Variants in AKAP6 observed in about 807,000 individuals in gnomAD.
The protein encoded by AKAP6 is A-kinase anchoring protein 6.
Under a neutral mutation model 188.5 loss-of-function variants are expected in AKAP6, and 58 were observed. That is an observed-to-expected ratio of 0.31 (90% CI 0.25 to 0.38). The LOEUF (loss-of-function observed/expected upper bound fraction) is 0.38, where lower values mean the gene tolerates loss of function less well. Among genes scored for constraint, AKAP6 ranks in the 10% least tolerant of loss-of-function variants. The pLI, the probability that AKAP6 is intolerant of heterozygous loss-of-function variation, is 1.00. For missense variants in AKAP6, 2,710 were observed against 2,740.0 expected (o/e 0.99, Z 0.24); for synonymous variants, 989 against 998.6 (o/e 0.99, Z 0.18).
intron 9 of AKAP6, among the ~76,000 whole-genome samples, chr14:32,704,410 A>G (rs537414573): frequency 6.6e-6 from 1 of 152,178 alleles, no homozygotes; most frequent in Non-Finnish European, 1.5e-5. Flanking sequence ...CTAGAAAAGA[A>G]AGTAGAGGAA....
chr14:32,696,919 G>A (rs1890428328), intron 9 of AKAP6, among the ~76,000 whole-genome samples: 1 of 152,112 alleles, frequency 6.6e-6, no homozygotes, highest in African/African-American at 2.4e-5. Flanking sequence ...ATTTTTATTG[G>A]AGTAATTCTG....
At position 32,568,177 on chromosome 14, in the gene AKAP6, C is replaced by G. The variant is rs1884289429; in HGVS notation, c.2347-8943C>G. ...GAGAAGCTTGGAAAATAGGAGTGAA[C>G]AACAGAGAATGTGACTGTCCTTTGT... On this transcript the variant is annotated intron_variant, in intron 4 of 13. Coordinates refer to ENST00000280979, the MANE Select transcript of AKAP6 (RefSeq NM_004274.5). This position sits in a 1 kb window ranked among gnomAD's most constrained non-coding sequence, Gnocchi z 6.2. 6.6e-6 allele frequency among the ~76,000 whole-genome samples: 1 copy of G among 152,112 alleles called. No homozygotes were observed. The highest frequency in any genetic ancestry group is 1.5e-5 in the Non-Finnish European group (1 of 68,016).
At chr14:32,359,413 A>G (rs1160834741) in intron 1 of AKAP6, among the ~76,000 whole-genome samples, 3 of 152,128 alleles carry the variant, frequency 2.0e-5, no homozygotes, top group Non-Finnish European at 4.4e-5. Context: ...AAATAATTTT[A>G]TTTATGAAAG....
At chr14:32,435,493 A>G (rs1358229691) in intron 2 of AKAP6, among the ~76,000 whole-genome samples, 1 of 152,142 alleles carries the variant, frequency 6.6e-6, no homozygotes, top group East Asian at 1.9e-4. Flanking sequence ...TGAGAAACCA[A>G]CTCTAGGGTT....
At chr14:32,615,167 C>CAAAAAAAAAAAAAAAAAAAAAA (rs71115086) in intron 7 of AKAP6, among the ~76,000 whole-genome samples, 791 of 53,422 alleles carry the variant, frequency 0.015, 188 homozygotes, top group Non-Finnish European at 0.02. Flanking sequence ...GACTCTGTCT[C>CAAAAAAAAAAAAAAAAAAAAAA]AAAAAAAAAA....
At chr14:32,584,707 A>G (rs574500503) in intron 5 of AKAP6, among the ~76,000 whole-genome samples, 86 of 152,180 alleles carry the variant, frequency 5.7e-4, no homozygotes, top group African/African-American at 2.0e-3. Flanking sequence ...GTTAGTTTGC[A>G]TTTCCTAGGA....
chr14:32,432,241 G>GAGTAGAAGAACAAGTAGAAGAAGGCAACA (rs1386575091), intron 1 of AKAP6, among the ~76,000 whole-genome samples: 1 of 152,032 alleles, frequency 6.6e-6, no homozygotes, highest in Non-Finnish European at 1.5e-5. Flanking sequence ...TCATTGCCTT[G>GAGTAGAAGAACAAGTAGAAGAAGGCAACA]AGTAGAAGAA....
At chr14:32,775,431 TC>T (rs199709054) in intron 12 of AKAP6, among the ~76,000 whole-genome samples, 4 of 147,214 alleles carry the variant, frequency 2.7e-5, no homozygotes, top group Admixed American at 6.7e-5. Flanking sequence ...GACATTTTTA[TC>T]CTTTTTTTTT....
intron 4 of AKAP6, among the ~76,000 whole-genome samples, chr14:32,572,064 G>A (rs1884514330): frequency 6.6e-6 from 1 of 152,208 alleles, no homozygotes; most frequent in South Asian, 2.1e-4. Context: ...TCAGTGCCAA[G>A]ACTTTAAAAC....
intron 11 of AKAP6, among the ~76,000 whole-genome samples, chr14:32,764,564 A>G (rs1003469992): frequency 6.6e-6 from 1 of 152,194 alleles, no homozygotes; most frequent in African/African-American, 2.4e-5. Flanking sequence ...GTTTTTGTGA[A>G]TCAGCTTTGG....
chr14:32,659,172 T>G (rs1888581349), intron 7 of AKAP6, among the ~76,000 whole-genome samples: 1 of 152,184 alleles, frequency 6.6e-6, no homozygotes, highest in African/African-American at 2.4e-5. Flanking sequence ...CATTCATGGC[T>G]GCTCCAAGTA....
intron 3 of AKAP6, among the ~76,000 whole-genome samples, chr14:32,536,237 T>C (rs1025761097): frequency 6.6e-6 from 1 of 152,142 alleles, no homozygotes; most frequent in Non-Finnish European, 1.5e-5. Flanking sequence ...CAAGATGCCA[T>C]TGGAGGACAG....
chr14:32,566,531 G>T (rs1233056490), intron 4 of AKAP6, among the ~76,000 whole-genome samples: 1 of 152,030 alleles, frequency 6.6e-6, no homozygotes, highest in Non-Finnish European at 1.5e-5. Context: ...AAGAATCTGG[G>T]TTATGTGTAT....
In AKAP6 at chr14:32,434,142, G is replaced by A. The variant is rs114750654; in HGVS notation, c.324+325G>A. 1.1e-3 allele frequency among the ~76,000 whole-genome samples: 175 copies of A among 152,260 alleles called. 2 individuals are homozygous for A. The highest frequency in any genetic ancestry group is 3.5e-3 in the African/African-American group (145 of 41,572). Reference sequence around the variant, plus strand: ...AACTCTTACAAAGGGTTTAATAAAAGACTCTTATAGGTAAAATATCAAATG... The same window carrying A: ...AACTCTTACAAAGGGTTTAATAAAAAACTCTTATAGGTAAAATATCAAATG... On this transcript the variant is annotated intron_variant, in intron 2 of 13. Coordinates refer to ENST00000280979, the MANE Select transcript of AKAP6 (RefSeq NM_004274.5).
intron 12 of AKAP6, among the ~76,000 whole-genome samples, chr14:32,812,349 AAG>A (rs1469417904): frequency 1.3e-5 from 2 of 152,230 alleles, no homozygotes; most frequent in Admixed American, 1.3e-4. Flanking sequence ...AGAGGTAAGA[AAG>A]AGAAATTCTT....
At chr14:32,782,638 A>G (rs2033287572) in intron 12 of AKAP6, among the ~76,000 whole-genome samples, 2 of 152,188 alleles carry the variant, frequency 1.3e-5, no homozygotes, top group East Asian at 1.9e-4. Flanking sequence ...AAATTTTTAA[A>G]CATTCAATTT....
chr14:32,798,226 T>C (rs1197285652), intron 12 of AKAP6, among the ~76,000 whole-genome samples: 1 of 152,178 alleles, frequency 6.6e-6, no homozygotes, highest in Non-Finnish European at 1.5e-5. Flanking sequence ...ATGGCTATTA[T>C]TAAAAAGTCA....
chr14:32,834,669 T>C lies in AKAP6; in HGVS notation c.*4864T>C, dbSNP rs572524714. 2 of 151,842 alleles carry C rather than the reference T, an allele frequency of 1.3e-5. No homozygotes were observed. Among genetic ancestry groups the C allele is most frequent in the Non-Finnish European group, 2.9e-5 (2 of 67,978 alleles). The allele number at this position is 151,842 out of a possible 1,614,324, so 9.4% of individuals were successfully genotyped here. A position where few individuals can be genotyped will look rare whatever the true frequency, so the allele number is the denominator to read the frequency against. ...CAGAATGATCCACAATCTTGATGGG[T>C]CTAGTTGTTTTCTCATTGTTAAACT... On this transcript the variant is annotated 3_prime_UTR_variant, in exon 14 of 14. Transcript: ENST00000280979.
chr14:32,506,034 G>T (rs11623277), intron 2 of AKAP6, among the ~76,000 whole-genome samples: 57,704 of 151,658 alleles, frequency 0.38, 11,291 homozygotes, highest in Non-Finnish European at 0.4. Context: ...TTCAAGCTAC[G>T]CGGGAGGCTG....
Sources: allele counts gnomAD v4.1 joint callset (sites outside exome capture counted in the v4.1 genomes callset), GRCh38; gene constraint gnomAD v4.1.1; non-coding constraint Gnocchi (gnomAD v3.1); transcripts MANE v1.5; gene names NCBI Gene and HGNC (gene_info 2026-07-23, HGNC 2026-07-21).